The following COL24A1 variants were observed in gnomAD, a reference collection of about 807,000 sequenced individuals.
COL24A1 encodes the protein collagen type XXIV alpha 1 chain.
In COL24A1, 224 loss-of-function variants were observed where a neutral mutation model predicts 253.9. That is an observed-to-expected ratio of 0.88 (90% CI 0.79 to 0.99). The LOEUF is 0.99. Among genes scored for constraint, COL24A1 ranks in the 50% least tolerant of loss-of-function variants. The pLI, the probability that COL24A1 is intolerant of heterozygous loss-of-function variation, is 0.00. For missense variants in COL24A1, 2,131 were observed against 2,068.5 expected, an observed-to-expected ratio of 1.03 and a Z score of -0.59; for synonymous variants, 685 against 673.7, an observed-to-expected ratio of 1.02 and a Z score of -0.26.
intron 37 of COL24A1, among the ~76,000 whole-genome samples, chr1:85,855,536 C>A (rs1210560341): frequency 6.6e-6 from 1 of 152,048 alleles, no homozygotes; most frequent in African/African-American, 2.4e-5. Flanking sequence ...TATGTTGAAC[C>A]AATCTTGCAT....
At chr1:86,080,779 A>G (rs1702580561) in intron 7 of COL24A1, among the ~76,000 whole-genome samples, 1 of 152,142 alleles carries the variant, frequency 6.6e-6, no homozygotes, top group Non-Finnish European at 1.5e-5. Context: ...TGGTTACAAA[A>G]TAAATCAGTT....
In COL24A1 at chr1:85,842,206, T is replaced by C. The variant is rs1012014816; in HGVS notation, c.3517-85A>G. 10 of 1,436,692 alleles carry C rather than the reference T, an allele frequency of 7.0e-6. No individual in the cohort carries two copies. The East Asian group carries it at 2.3e-4, about 33-fold the overall frequency. The allele number at this position is 1,436,692 out of a possible 1,614,324, so 89.0% of individuals were successfully genotyped here. A position where few individuals can be genotyped will look rare whatever the true frequency, so the allele number is the denominator to read the frequency against. On this transcript the variant is annotated intron_variant, in intron 40 of 59. Transcript: ENST00000370571. ...TTCTGAAAGGAAAAATAGGATTCAC[T>C]GTCTAGGAGGATGAGACCTAAATAT...
intron 57 of COL24A1, among the ~76,000 whole-genome samples, chr1:85,741,537 T>G (rs939783590): frequency 6.6e-6 from 1 of 152,202 alleles, no homozygotes; most frequent in Admixed American, 6.5e-5. Flanking sequence ...ACTACTAGAA[T>G]GCAGGCCTTT....
chr1:86,128,971 T>A (rs561836278), intron 2 of COL24A1, among the ~76,000 whole-genome samples: 1 of 151,988 alleles, frequency 6.6e-6, no homozygotes, highest in South Asian at 2.1e-4. Context: ...AAATTGAAAT[T>A]TCATTATTTT....
chr1:85,886,918 C>T (rs1314756123), intron 32 of COL24A1, among the ~76,000 whole-genome samples: 1 of 152,124 alleles, frequency 6.6e-6, no homozygotes, highest in Non-Finnish European at 1.5e-5. Context: ...CTTTGTCTGA[C>T]TGAGATGCTG....
At chr1:86,106,870 T>A (rs1278599259) in intron 5 of COL24A1, among the ~76,000 whole-genome samples, 3 of 152,240 alleles carry the variant, frequency 2.0e-5, no homozygotes, top group African/African-American at 7.2e-5. Context: ...TAGTTTTACA[T>A]GCTGAGAAAA....
rs762835627 is a variant in COL24A1, at chr1:85,737,519, G to A, written c.4673-14C>T. The A allele has an allele frequency of 6.5e-7, 1 of 1,527,412 alleles. No homozygotes were observed. The highest frequency in any genetic ancestry group is 9.0e-7 in the Non-Finnish European group (1 of 1,113,822). The allele number at this position is 1,527,412 out of a possible 1,614,324, so 94.6% of individuals were successfully genotyped here. A position where few individuals can be genotyped will look rare whatever the true frequency, so the allele number is the denominator to read the frequency against. On this transcript the variant is annotated splice_polypyrimidine_tract_variant and intron_variant, in intron 57 of 59. Transcript: ENST00000370571. ...TCCAGTATTTTCCTAATAATTTATA[G>A]TAAAACATAAAGTTAAAGTTATTAA...
At chr1:85,966,543 C>A (rs1691589498) in intron 22 of COL24A1, among the ~76,000 whole-genome samples, 1 of 152,104 alleles carries the variant, frequency 6.6e-6, no homozygotes, top group East Asian at 1.9e-4. Context: ...ACAGGCCAAT[C>A]TTTGGGGTAC....
intron 39 of COL24A1, 124 bp downstream of exon 39, chr1:85,847,541 G>T (rs1205882304): frequency 7.7e-6 from 5 of 647,806 alleles, no homozygotes; most frequent in Non-Finnish European, 1.3e-5. Context: ...CATGGAGGTA[G>T]ATTATTTTCA....
chr1:85,799,677 T>C (rs1265528340), intron 47 of COL24A1, among the ~76,000 whole-genome samples: 2 of 152,196 alleles, frequency 1.3e-5, no homozygotes, highest in South Asian at 2.1e-4. Context: ...AAGATTTCCA[T>C]GTACATAAAT....
chr1:85,798,372 C>T (rs1228444006), intron 47 of COL24A1, among the ~76,000 whole-genome samples: 4 of 151,826 alleles, frequency 2.6e-5, no homozygotes, highest in South Asian at 2.1e-4. Flanking sequence ...CCAAAACAAG[C>T]GGCGGGGTTG....
chr1:85,937,606 G>C (rs1233517557), intron 24 of COL24A1, among the ~76,000 whole-genome samples: 1 of 147,496 alleles, frequency 6.8e-6, no homozygotes, highest in Non-Finnish European at 1.5e-5. Context: ...TATATGAATG[G>C]AATGGACATG....
At chr1:86,135,116 T>A (rs1557773815) in intron 2 of COL24A1, among the ~76,000 whole-genome samples, 2 of 151,838 alleles carry the variant, frequency 1.3e-5, no homozygotes, top group African/African-American at 2.4e-5. Flanking sequence ...GCCTTCTTTG[T>A]CTCTTTTGAT....
At chr1:85,902,650 G>A (rs1684429615) in intron 28 of COL24A1, among the ~76,000 whole-genome samples, 1 of 152,090 alleles carries the variant, frequency 6.6e-6, no homozygotes, top group Admixed American at 6.6e-5. Context: ...GCTAAAATGG[G>A]GGCTGGAGGT....
intron 19 of COL24A1, among the ~76,000 whole-genome samples, chr1:85,992,168 C>T (rs1009489937): frequency 3.3e-5 from 5 of 151,830 alleles, no homozygotes; most frequent in Non-Finnish European, 5.9e-5. Context: ...TGAGAACATG[C>T]GGTGTTTGGT....
rs1013271191 is a variant in COL24A1, at chr1:86,147,407, T to C, written c.57-1224A>G. 6.6e-5 allele frequency among the ~76,000 whole-genome samples: 10 copies of C among 152,360 alleles called. No homozygotes were observed. The South Asian group carries it at 1.2e-3, about 19-fold the overall frequency. ...TACTCAGTCCAGAGCACAGCTCTTA[T>C]AAGACAAGGTTTCGATAGAATACTT... On this transcript the variant is annotated intron_variant, in intron 1 of 59. Transcript: ENST00000370571.
At chr1:85,817,914 T>C in intron 46 of COL24A1, 120 bp downstream of exon 46, 2 of 842,734 alleles carry the variant, frequency 2.4e-6, no homozygotes, top group East Asian at 4.9e-5. Flanking sequence ...GTTTAATTTT[T>C]TTAAAAGACA....
At chr1:85,756,656 A>C (rs913070722) in intron 55 of COL24A1, among the ~76,000 whole-genome samples, 3 of 152,194 alleles carry the variant, frequency 2.0e-5, no homozygotes, top group Non-Finnish European at 4.4e-5. Flanking sequence ...ACAGTATGGC[A>C]GTTTCTCAAA....
Position 86,017,167 on chromosome 1 carries a change from C to T in COL24A1, c.2294G>A (p.Gly765Asp), listed in dbSNP as rs1334233665. ...ATATTTTACCTCTGGTCCTGGAGGG[C>T]CAGATGGTCCTTGGAGTCCTGGGTC... Reference protein sequence around the residue: ...TGDPGLQGPSGPPGPEGFPGD... With the variant: ...TGDPGLQGPSDPPGPEGFPGD... The change falls in exon 19 of 60, where the codon GGC (glycine) becomes GAC (aspartate). Residue 765 changes from glycine (G) to aspartate (D), a missense_variant. Physicochemically the swap from Gly to Asp is moderately conservative, Grantham distance 94 (BLOSUM62 -1). Transcript: ENST00000370571. 1 of 1,591,306 alleles carries T rather than the reference C, an allele frequency of 6.3e-7. No homozygotes were observed. The highest frequency in any genetic ancestry group is 1.1e-5 in the South Asian group (1 of 87,988).
Sources: gnomAD v4.1 joint callset for allele counts (sites outside exome capture counted in the v4.1 genomes callset) on GRCh38, gnomAD v4.1.1 for gene constraint, MANE v1.5 for transcripts, NCBI Gene and HGNC (gene_info 2026-07-23, HGNC 2026-07-21) for gene names.